SOX6: variants seen among roughly 807,000 people sequenced by gnomAD.
The protein encoded by SOX6 is SRY-box transcription factor 6.
SOX6 carries 11 observed loss-of-function variants against 97.8 expected under a neutral mutation model. The ratio of observed to expected loss-of-function variants is 0.11; its 90% CI spans 0.07 to 0.19. SOX6 has a LOEUF of 0.19. Ranked by LOEUF, SOX6 falls within the 10% of genes least tolerant of loss-of-function variation. The pLI is 1.00. For missense variants in SOX6, 810 were observed against 1,039.5 expected, an observed-to-expected ratio of 0.78 and a Z score of 3.04; for synonymous variants, 360 against 371.4, an observed-to-expected ratio of 0.97 and a Z score of 0.35.
chr11:16,252,610 G>A (rs533765983), intron 3 of SOX6: 2 of 152,316 alleles, frequency 1.3e-5, no homozygotes, highest in African/African-American at 4.8e-5. Context: ...GCAGGGGGAG[G>A]AGATTAAGAA....
intron 2 of SOX6, 125 bp downstream of exon 2, chr11:16,340,887 G>A (rs1590139490): frequency 2.3e-6 from 3 of 1,306,044 alleles, no homozygotes; most frequent in East Asian, 2.4e-5. Flanking sequence ...ATATGTACCT[G>A]GTAGTTGTTT....
At chr11:16,709,168 T>C (rs1357681386) in intron 3 of SOX6, among the ~76,000 whole-genome samples, 1 of 152,152 alleles carries the variant, frequency 6.6e-6, no homozygotes, top group South Asian at 2.1e-4. Flanking sequence ...CTCTCATGAA[T>C]GTCTTATTGC....
intron 2 of SOX6, among the ~76,000 whole-genome samples, chr11:16,717,804 A>G (rs1848229203): frequency 6.6e-6 from 1 of 151,956 alleles, no homozygotes; most frequent in Non-Finnish European, 1.5e-5. Flanking sequence ...ATTCAAGGAT[A>G]TAACTAGTTA....
chr11:16,358,218 G>A (rs951519742), upstream of SOX6, among the ~76,000 whole-genome samples: 1 of 152,112 alleles, frequency 6.6e-6, no homozygotes, highest in Non-Finnish European at 1.5e-5. Context: ...ATTCAGTCCT[G>A]ATAAACCATT....
chr11:16,642,294 T>C (rs964051945), intron 3 of SOX6, among the ~76,000 whole-genome samples: 3 of 152,166 alleles, frequency 2.0e-5, no homozygotes, highest in African/African-American at 4.8e-5. Context: ...TCTGATGGAC[T>C]TCCCTTTGTG....
At chr11:16,502,060 G>C (rs936640117) in intron 4 of SOX6, among the ~76,000 whole-genome samples, 2 of 152,166 alleles carry the variant, frequency 1.3e-5, no homozygotes, top group East Asian at 3.9e-4. Context: ...TTGGAACCAA[G>C]CCTAATGTCC....
At chr11:16,029,046 CT>C (rs1262931285) in intron 12 of SOX6, among the ~76,000 whole-genome samples, 2 of 152,106 alleles carry the variant, frequency 1.3e-5, no homozygotes, top group African/African-American at 4.8e-5. Context: ...AACTTTATTT[CT>C]CAAAAAATAA....
At chr11:16,595,160 CCTTT>C (rs1431265952) in intron 4 of SOX6, among the ~76,000 whole-genome samples, 1 of 151,958 alleles carries the variant, frequency 6.6e-6, no homozygotes, top group African/African-American at 2.4e-5. Context: ...AATTTCAGAA[CCTTT>C]CTTTTTAATG....
At chr11:16,368,884 A>T (rs1436917782) in intron 1 of SOX6, among the ~76,000 whole-genome samples, 1 of 152,190 alleles carries the variant, frequency 6.6e-6, no homozygotes, top group Non-Finnish European at 1.5e-5. Context: ...ACTCAACAAC[A>T]TCAAAAACAA....
chr11:16,228,545 C>G (rs897551069), intron 4 of SOX6, among the ~76,000 whole-genome samples: 1 of 151,924 alleles, frequency 6.6e-6, no homozygotes, highest in African/African-American at 2.4e-5. Context: ...TCAAAGGGTA[C>G]AAAGTTGCAG....
chr11:16,019,154 C>T (rs11023830), intron 12 of SOX6, among the ~76,000 whole-genome samples: 10,218 of 152,146 alleles, frequency 0.067, 387 homozygotes, highest in Non-Finnish European at 0.093. Context: ...TCTGCATTAC[C>T]AAGACTGACC....
intron 4 of SOX6, among the ~76,000 whole-genome samples, chr11:16,221,423 G>A (rs1165474485): frequency 2.6e-5 from 4 of 151,436 alleles, no homozygotes; most frequent in Admixed American, 2.6e-4. Context: ...TAGTCTATGT[G>A]ATGAAATGAG....
chr11:16,146,199 A>G (rs1850289945), intron 6 of SOX6, among the ~76,000 whole-genome samples: 1 of 152,168 alleles, frequency 6.6e-6, no homozygotes, highest in South Asian at 2.1e-4. Context: ...ATAATACCAC[A>G]CATCTACAAC....
At chr11:16,684,648 T>C (rs904853725) in intron 3 of SOX6, among the ~76,000 whole-genome samples, 3 of 151,930 alleles carry the variant, frequency 2.0e-5, no homozygotes, top group Non-Finnish European at 4.4e-5. Context: ...AGTTGATGGG[T>C]GCAGCAAACC....
chr11:16,598,649 T>TA (rs71455890), intron 4 of SOX6, among the ~76,000 whole-genome samples: 3,020 of 146,982 alleles, frequency 0.021, 65 homozygotes, highest in African/African-American at 0.058. Context: ...GTATGCTCTT[T>TA]AAAAAAAAAA....
intron 1 of SOX6, among the ~76,000 whole-genome samples, chr11:16,450,579 A>G (rs563993045): frequency 1.3e-5 from 2 of 152,364 alleles, no homozygotes; most frequent in East Asian, 1.9e-4. Context: ...ATTCTCATGC[A>G]AATTCCAGAG....
intron 1 of SOX6, among the ~76,000 whole-genome samples, chr11:16,472,683 G>A (rs565992186): frequency 5.9e-5 from 9 of 151,784 alleles, no homozygotes; most frequent in Non-Finnish European, 1.2e-4. Context: ...ATTTTTTTAA[G>A]CTGGTTCAAA....
At chr11:16,458,856 GACTGCAATGC>G (rs1257745555) in intron 1 of SOX6, among the ~76,000 whole-genome samples, 4 of 152,050 alleles carry the variant, frequency 2.6e-5, no homozygotes, top group Admixed American at 6.6e-5. Context: ...AGAAACTACT[GACTGCAATGC>G]ACAGAGGTGA....
At chr11:16,552,547 G>A (rs1412196071) in intron 4 of SOX6, among the ~76,000 whole-genome samples, 2 of 152,116 alleles carry the variant, frequency 1.3e-5, no homozygotes. Context: ...ATTGCATCCA[G>A]CAACAATTAG....
Sources: gnomAD v4.1 joint callset for allele counts (sites outside exome capture counted in the v4.1 genomes callset) on GRCh38, gnomAD v4.1.1 for gene constraint, MANE v1.5 for transcripts, NCBI Gene and HGNC (gene_info 2026-07-23, HGNC 2026-07-21) for gene names.